The following GNS variants were observed in gnomAD, a reference collection of about 807,000 sequenced individuals.
GNS encodes N-acetylglucosamine-6-sulfatase.
Under a neutral mutation model 69.7 loss-of-function variants are expected in GNS, and 40 were observed. The observed-to-expected ratio is 0.57, with a 90% confidence interval of 0.45 to 0.75. The LOEUF (loss-of-function observed/expected upper bound fraction) is 0.75, where lower values mean the gene tolerates loss of function less well. Among genes scored for constraint, GNS ranks in the 30% least tolerant of loss-of-function variants. The probability of loss-of-function intolerance (pLI) is 0.00; values close to 1 mark genes in which losing one functional copy is unlikely to be tolerated. For missense variants in GNS, 565 were observed against 685.5 expected, an observed-to-expected ratio of 0.82 and a Z score of 1.96; for synonymous variants, 243 against 251.6, an observed-to-expected ratio of 0.97 and a Z score of 0.32.
chr12:64,721,174 G>A (rs1346872297), intron 12 of GNS, among the ~76,000 whole-genome samples: 1 of 152,152 alleles, frequency 6.6e-6, no homozygotes, highest in Non-Finnish European at 1.5e-5. Flanking sequence ...CTTCTTCCAT[G>A]GATGGACTCC....
At position 64,716,501 on chromosome 12, in the gene GNS, T is replaced by C. The variant is rs147121750; in HGVS notation, c.*240A>G. The C allele has an allele frequency of 6.2e-5, 35 of 565,108 alleles. No homozygotes were observed. The East Asian group carries it at 1.1e-3, about 18-fold the overall frequency. 35.0% of individuals were successfully genotyped at this position (565,108 alleles called of 1,614,324 possible). The stretch of plus-strand genomic sequence containing the variant: ...ACAGTGAGAACAAAGACCTCAGGAG[T>C]GTCCTTGTCAGCTAAAGGAAGAGAC... On this transcript the variant is annotated 3_prime_UTR_variant, in exon 14 of 14. Transcript: ENST00000258145.
At chr12:64,735,055 A>G (rs951124695) in intron 9 of GNS, among the ~76,000 whole-genome samples, 3 of 152,188 alleles carry the variant, frequency 2.0e-5, no homozygotes, top group African/African-American at 7.2e-5. Context: ...GCTTGCAGTG[A>G]GCTGAGATCG....
chr12:64,723,363 A>T (rs1869093499), intron 10 of GNS, among the ~76,000 whole-genome samples: 1 of 152,220 alleles, frequency 6.6e-6, no homozygotes, highest in Non-Finnish European at 1.5e-5. Context: ...ACTTCTGTGA[A>T]TCAGGTCAGG....
In GNS at chr12:64,759,293, G is replaced by A. The variant is rs1416250416; in HGVS notation, c.-17C>T. On this transcript the variant is annotated 5_prime_UTR_variant, in exon 1 of 14. Coordinates refer to ENST00000258145, the MANE Select transcript of GNS (RefSeq NM_002076.4). ...GAGCCGCATAGCGGACAGGCTCCGG[G>A]GTGACCCCGGGACGGGACGGGACGG... 1 of 1,486,282 alleles carries A rather than the reference G, an allele frequency of 6.7e-7. No individual in the cohort carries two copies. The highest frequency in any genetic ancestry group is 9.0e-7 in the Non-Finnish European group (1 of 1,116,978). The allele number at this position is 1,486,282 out of a possible 1,614,324, so 92.1% of individuals were successfully genotyped here. A position where few individuals can be genotyped will look rare whatever the true frequency, so the allele number is the denominator to read the frequency against.
intron 10 of GNS, among the ~76,000 whole-genome samples, chr12:64,728,414 C>T (rs899659803): frequency 1.3e-5 from 2 of 152,204 alleles, no homozygotes. Flanking sequence ...TTAAACTAAA[C>T]TCTTGGTAAG....
intron 8 of GNS, among the ~76,000 whole-genome samples, chr12:64,738,646 C>G (rs2136245116): frequency 6.6e-6 from 1 of 152,092 alleles, no homozygotes; most frequent in African/African-American, 2.4e-5. Flanking sequence ...AAACCCATCT[C>G]TACTAAAAAT....
intron 9 of GNS, among the ~76,000 whole-genome samples, 158 bp downstream of exon 9, chr12:64,736,846 A>AG (rs1869570515): frequency 6.6e-6 from 1 of 152,178 alleles, no homozygotes; most frequent in South Asian, 2.1e-4. Flanking sequence ...TGGGAAGTTA[A>AG]GGAAAAAAAA....
At chr12:64,727,992 C>T (rs1053764357) in intron 10 of GNS, among the ~76,000 whole-genome samples, 18 of 152,180 alleles carry the variant, frequency 1.2e-4, no homozygotes, top group African/African-American at 3.4e-4. Flanking sequence ...GGCGCAATTT[C>T]GGCTCACTGC....
chr12:64,756,601 TA>T, intron 1 of GNS: 1 of 653,926 alleles, frequency 1.5e-6, no homozygotes, highest in Middle Eastern at 2.4e-4. Flanking sequence ...CCTTTTAAGA[TA>T]AGGATACTAT....
At chr12:64,755,678 A>ATTT (rs760719152) in intron 1 of GNS, among the ~76,000 whole-genome samples, 3 of 129,366 alleles carry the variant, frequency 2.3e-5, no homozygotes, top group Non-Finnish European at 3.3e-5. Flanking sequence ...AGAGTAAATG[A>ATTT]TTTTTTTTTT....
At chr12:64,749,101 G>C (rs1046891973) in intron 2 of GNS, among the ~76,000 whole-genome samples, 3 of 150,978 alleles carry the variant, frequency 2.0e-5, no homozygotes, top group African/African-American at 7.3e-5. Flanking sequence ...CACCATGCCT[G>C]GCTAATTTTT....
chr12:64,755,331 C>A (rs78188762), intron 1 of GNS, among the ~76,000 whole-genome samples: 14,052 of 152,032 alleles, frequency 0.092, 1,866 homozygotes, highest in African/African-American at 0.29. Flanking sequence ...TAATCCCACC[C>A]CTTTGGGAGG....
chr12:64,720,673 A>G (rs911102718), intron 12 of GNS, among the ~76,000 whole-genome samples: 1 of 152,230 alleles, frequency 6.6e-6, no homozygotes, highest in Non-Finnish European at 1.5e-5. Context: ...AAGTTTTCCT[A>G]TTTTAAAAAG....
intron 8 of GNS, among the ~76,000 whole-genome samples, chr12:64,738,073 G>C (rs956971487): frequency 6.6e-6 from 1 of 151,394 alleles, no homozygotes; most frequent in Non-Finnish European, 1.5e-5. Flanking sequence ...GCAGTGGCAC[G>C]ATCTTGGCTT....
At position 64,732,153 on chromosome 12, in the gene GNS, A is replaced by ATTTTTTTTTTTTTTTTTTTTTTT. The variant is rs1210247666; in HGVS notation, c.1099-3097_1099-3096insAAAAAAAAAAAAAAAAAAAAAAA. Among the ~76,000 whole-genome samples the ATTTTTTTTTTTTTTTTTTTTTTT allele has an allele frequency of 3.4e-5, 3 of 88,720 alleles. 1 individual carries two copies. The highest frequency in any genetic ancestry group is 4.8e-5 in the African/African-American group (1 of 20,746). 58.2% of individuals were successfully genotyped at this position (88,720 alleles called of 152,430 possible). A position where few individuals can be genotyped will look rare whatever the true frequency, so the allele number is the denominator to read the frequency against. On this transcript the variant is annotated intron_variant, in intron 9 of 13. Coordinates refer to ENST00000258145, the MANE Select transcript of GNS (RefSeq NM_002076.4). Reference sequence around the variant, plus strand: ...AGGCACCTGCCACCACACCTGGCTAATTTTTTTTTTTTGTTGTTTTTTTTT... The same window carrying ATTTTTTTTTTTTTTTTTTTTTTT: ...AGGCACCTGCCACCACACCTGGCTAATTTTTTTTTTTTTTTTTTTTTTTTTTTTTTTTTTTGTTGTTTTTTTTT...
At chr12:64,758,887 C>T (rs151093273) in intron 1 of GNS, among the ~76,000 whole-genome samples, 198 bp downstream of exon 1, 1 of 152,332 alleles carries the variant, frequency 6.6e-6, no homozygotes, top group Non-Finnish European at 1.5e-5. Context: ...GTGCTGTACG[C>T]ATGTGCCTCA....
intron 2 of GNS, among the ~76,000 whole-genome samples, chr12:64,749,993 C>T (rs1440844632): frequency 6.6e-6 from 1 of 151,838 alleles, no homozygotes; most frequent in African/African-American, 2.4e-5. Context: ...CCTCCCACCC[C>T]AACTTCCCAA....
At chr12:64,742,204 T>C (rs1565625330) in intron 6 of GNS, among the ~76,000 whole-genome samples, 1 of 152,058 alleles carries the variant, frequency 6.6e-6, no homozygotes, top group African/African-American at 2.4e-5. Flanking sequence ...GTACTTTTAG[T>C]AGAGATGGGG....
chr12:64,737,317 G>T (rs1489109567), intron 8 of GNS, among the ~76,000 whole-genome samples: 1 of 152,136 alleles, frequency 6.6e-6, no homozygotes, highest in Non-Finnish European at 1.5e-5. Context: ...TGACTAGAAG[G>T]GACTCCCTGG....
Sources: gnomAD v4.1 joint callset for allele counts (sites outside exome capture counted in the v4.1 genomes callset) on GRCh38, gnomAD v4.1.1 for gene constraint, MANE v1.5 for transcripts, NCBI Gene and HGNC (gene_info 2026-07-23, HGNC 2026-07-21) for gene names.